The following PFKFB2 variants were observed in gnomAD, a reference collection of about 807,000 sequenced individuals.
PFKFB2 encodes 6-phosphofructo-2-kinase/fructose-2,6-bisphosphatase 2.
Under a neutral mutation model 68.0 loss-of-function variants are expected in PFKFB2, and 53 were observed. That is an observed-to-expected ratio of 0.78 (90% CI 0.63 to 0.98). The LOEUF (loss-of-function observed/expected upper bound fraction) is 0.98. Ranked by LOEUF, PFKFB2 falls within the 50% of genes least tolerant of loss-of-function variation. The probability of loss-of-function intolerance (pLI) is 0.00; values close to 1 mark genes in which losing one functional copy is unlikely to be tolerated. For missense variants in PFKFB2, 451 were observed against 642.0 expected, an observed-to-expected ratio of 0.70 and a Z score of 3.22; for synonymous variants, 222 against 227.6, an observed-to-expected ratio of 0.98 and a Z score of 0.22.
At chr1:207,079,606 C>T (rs2102293382), downstream of PFKFB2, 1 of 152,714 alleles carries the variant, frequency 6.5e-6, no homozygotes, top group East Asian at 1.9e-4. Flanking sequence ...GCAACCTTTT[C>T]ATTTAGAGAA....
At chr1:207,065,334 A>G (rs1011090519) in intron 8 of PFKFB2, 174 bp downstream of exon 8, 16 of 983,444 alleles carry the variant, frequency 1.6e-5, no homozygotes, top group African/African-American at 1.7e-5. Context: ...CATCTTGTAC[A>G]TGAAAAATTG....
intron 1 of PFKFB2, chr1:207,042,077 C>CA (rs1682487835): frequency 6.6e-6 from 1 of 152,198 alleles, no homozygotes; most frequent in Non-Finnish European, 1.5e-5. Flanking sequence ...TCTAGGGCCT[C>CA]AGAGAATAAA....
At chr1:207,061,175 A>T (rs59425822) in intron 2 of PFKFB2, among the ~76,000 whole-genome samples, 214 of 43,762 alleles carry the variant, frequency 4.9e-3, no homozygotes, top group Non-Finnish European at 6.2e-3. Flanking sequence ...TTATATATAT[A>T]TATATATATA....
rs1403507723 is a variant in PFKFB2 at position 207,063,046 on chromosome 1, G to A, written c.309-97G>A. 1 of 996,536 alleles carries A rather than the reference G, an allele frequency of 1.0e-6. No homozygotes were observed. Among genetic ancestry groups the A allele is most frequent in the East Asian group, 2.4e-5 (1 of 42,194 alleles). The allele number at this position is 996,536 out of a possible 1,614,324, so 61.7% of individuals were successfully genotyped here. ...AAGGTTTTGAACAGTGGGAAACTAA[G>A]TGGGCAGGGATGTGACTTCTGTAGC... On this transcript the variant is annotated intron_variant, in intron 4 of 14. Coordinates refer to ENST00000367080, the MANE Select transcript of PFKFB2 (RefSeq NM_006212.2). The surrounding 1 kb of genome is among the most constrained non-coding windows in gnomAD (Gnocchi z 4.1).
At chr1:207,047,118 C>G (rs1220099026) in intron 2 of PFKFB2, 1 of 152,462 alleles carries the variant, frequency 6.6e-6, no homozygotes, top group East Asian at 1.9e-4. Flanking sequence ...AGATGAGAGT[C>G]AGGTGTGGAG....
intron 2 of PFKFB2, among the ~76,000 whole-genome samples, chr1:207,058,268 CA>C (rs1286874092): frequency 3.9e-5 from 6 of 152,222 alleles, no homozygotes; most frequent in African/African-American, 1.4e-4. Context: ...GCTTTATGGG[CA>C]GCATATTTCT....
At chr1:207,062,552 G>T in intron 3 of PFKFB2, 68 bp from the exon 4 acceptor site, 1 of 1,579,704 alleles carries the variant, frequency 6.3e-7, no homozygotes, top group Non-Finnish European at 8.6e-7. Context: ...ATTAGGCCAA[G>T]AAACAAGTCC....
rs1683539815 is a variant in PFKFB2, at chr1:207,073,808, C to A, written c.*1437C>A. On this transcript the variant is annotated 3_prime_UTR_variant, in exon 15 of 15. Transcript: ENST00000367080. ...TGGCTTATTCTCTTTCCCAATTTTG[C>A]ATGCAAAATGTACGAATATATGTAT... 1 of 985,178 alleles carries A rather than the reference C, an allele frequency of 1.0e-6. No homozygotes were observed. Among genetic ancestry groups the A allele is most frequent in the Non-Finnish European group, 1.2e-6 (1 of 829,854 alleles). The allele number at this position is 985,178 out of a possible 1,614,324, so 61.0% of individuals were successfully genotyped here.
At chr1:207,055,345 A>G (rs1191851215) in intron 2 of PFKFB2, among the ~76,000 whole-genome samples, 1 of 152,132 alleles carries the variant, frequency 6.6e-6, no homozygotes, top group Non-Finnish European at 1.5e-5. Flanking sequence ...GTACTTTGTA[A>G]ACTATTTTCC....
chr1:207,076,394 T>C lies in PFKFB2; in HGVS notation c.*4023T>C. 1 of 985,330 alleles carries C rather than the reference T, an allele frequency of 1.0e-6. No individual in the cohort carries two copies. Among genetic ancestry groups the C allele is most frequent in the Non-Finnish European group, 1.2e-6 (1 of 829,864 alleles). 61.0% of individuals were successfully genotyped at this position (985,330 alleles called of 1,614,324 possible). A position where few individuals can be genotyped will look rare whatever the true frequency, so the allele number is the denominator to read the frequency against. ...ATGTAATCTTATGCACATTCCATTGTCTTTGCCAAGCCCAGAAGCCATGTT... is the reference window on the plus strand; with the variant it reads ...ATGTAATCTTATGCACATTCCATTGCCTTTGCCAAGCCCAGAAGCCATGTT... On this transcript the variant is annotated 3_prime_UTR_variant, in exon 15 of 15. Coordinates refer to ENST00000367080, the MANE Select transcript of PFKFB2 (RefSeq NM_006212.2).
intron 3 of PFKFB2, 100 bp downstream of exon 3, chr1:207,062,178 T>C: frequency 6.7e-7 from 1 of 1,497,750 alleles, no homozygotes; most frequent in Non-Finnish European, 9.1e-7. Flanking sequence ...TATAGGGTGC[T>C]TTTGGCAGAA....
Position 207,076,020 on chromosome 1 carries a change from T to A in PFKFB2, c.*3649T>A, listed in dbSNP as rs907324121. 1.0e-6 allele frequency: 1 copy of A among 985,354 alleles called. No individual in the cohort carries two copies. Among genetic ancestry groups the A allele is most frequent in the Admixed American group, 6.1e-5 (1 of 16,266 alleles). 61.0% of individuals were successfully genotyped at this position (985,354 alleles called of 1,614,324 possible). ...TGCATTGTGCTAGGGATCTGCCCTA[T>A]ATCTTTGCCTCTGGTGTTTCGTTGT... On this transcript the variant is annotated 3_prime_UTR_variant, in exon 15 of 15. Coordinates refer to ENST00000367080, the MANE Select transcript of PFKFB2 (RefSeq NM_006212.2).
At chr1:207,064,344 T>G (rs1683216418) in intron 7 of PFKFB2, among the ~76,000 whole-genome samples, 1 of 150,726 alleles carries the variant, frequency 6.6e-6, no homozygotes, top group Non-Finnish European at 1.5e-5. Flanking sequence ...AGGTTGAGGC[T>G]GCAGTGAGCC....
rs1384689837 is a variant in PFKFB2, at chr1:207,076,644, G to C, written c.*4273G>C. On this transcript the variant is annotated 3_prime_UTR_variant, in exon 15 of 15. Transcript: ENST00000367080. ...CTCTGTGCTGACTGACTGACAGACA[G>C]ACTTTAGTGTCTGTGTGCTGACTGA... is the stretch of plus-strand genomic sequence containing the variant. 1.0e-6 allele frequency: 1 copy of C among 984,838 alleles called. No individual in the cohort carries two copies. Among genetic ancestry groups the C allele is most frequent in the Non-Finnish European group, 1.2e-6 (1 of 829,464 alleles). 61.0% of individuals were successfully genotyped at this position (984,838 alleles called of 1,614,324 possible). A position where few individuals can be genotyped will look rare whatever the true frequency, so the allele number is the denominator to read the frequency against.
At chr1:207,064,952 T>C (rs1683239358) in intron 7 of PFKFB2, 84 bp from the exon 8 acceptor site, 41 of 1,478,214 alleles carry the variant, frequency 2.8e-5, no homozygotes, top group Non-Finnish European at 3.7e-5. Context: ...GACTTCTTTT[T>C]CTTTTTTTTA....
intron 8 of PFKFB2, among the ~76,000 whole-genome samples, chr1:207,066,585 T>G (rs2808462): frequency 0.076 from 11,559 of 152,284 alleles, 1,459 homozygotes; most frequent in African/African-American, 0.26. Context: ...TTATCTCTGG[T>G]AGTAGGGTGA....
At chr1:207,062,179 T>C in intron 3 of PFKFB2, 101 bp downstream of exon 3, 1 of 1,494,020 alleles carries the variant, frequency 6.7e-7, no homozygotes, top group Non-Finnish European at 9.1e-7. Context: ...ATAGGGTGCT[T>C]TTGGCAGAAA....
At position 207,063,899 on chromosome 1, in the gene PFKFB2, G is replaced by GTA; in HGVS notation, c.507+71_507+72insAT. On this transcript the variant is annotated intron_variant, in intron 7 of 14. Coordinates refer to ENST00000367080, the MANE Select transcript of PFKFB2 (RefSeq NM_006212.2). This position sits in a 1 kb window ranked among gnomAD's most constrained non-coding sequence, Gnocchi z 4.1. ...TGTGTGTGTTGTGGGGTGTGTGTGT[G>GTA]TGTGTGTGTGTGTGTGTTGTTGGGG... 9.9e-7 allele frequency: 1 copy of GTA among 1,013,864 alleles called. No homozygotes were observed. The highest frequency in any genetic ancestry group is 1.7e-5 in the Admixed American group (1 of 57,778). The allele number at this position is 1,013,864 out of a possible 1,614,324, so 62.8% of individuals were successfully genotyped here.
chr1:207,052,049 G>C, upstream of PFKFB2: 1 of 701,062 alleles, frequency 1.4e-6, no homozygotes. Flanking sequence ...TCTTTTCCAA[G>C]AAATCCATAC....
Sources: gnomAD v4.1 joint callset for allele counts (sites outside exome capture counted in the v4.1 genomes callset) on GRCh38, gnomAD v4.1.1 for gene constraint, Gnocchi (gnomAD v3.1) non-coding constraint, MANE v1.5 for transcripts, NCBI Gene and HGNC (gene_info 2026-07-23, HGNC 2026-07-21) for gene names.